The following SH3RF3 variants were observed in gnomAD, a reference collection of about 807,000 sequenced individuals.
SH3RF3 encodes E3 ubiquitin-protein ligase SH3RF3.
A neutral mutation model predicts 66.3 loss-of-function variants in SH3RF3; 29 were observed. That is an observed-to-expected ratio of 0.44 (90% CI 0.33 to 0.60). The LOEUF (loss-of-function observed/expected upper bound fraction) is 0.60, where lower values mean the gene tolerates loss of function less well. SH3RF3 is among the 20% of genes least tolerant of loss of function. The pLI is 0.04. For missense variants in SH3RF3, 1,194 were observed against 1,190.9 expected, an observed-to-expected ratio of 1.00 and a Z score of -0.04; for synonymous variants, 583 against 532.0, an observed-to-expected ratio of 1.10 and a Z score of -1.32.
At chr2:109,343,420 C>G (rs1184881018) in intron 1 of SH3RF3, among the ~76,000 whole-genome samples, 1 of 152,074 alleles carries the variant, frequency 6.6e-6, no homozygotes, top group Non-Finnish European at 1.5e-5. Context: ...GGTTCATTCC[C>G]CCTCTTGGTT....
At chr2:109,197,744 C>T (rs1402903513) in intron 1 of SH3RF3, among the ~76,000 whole-genome samples, 2 of 152,142 alleles carry the variant, frequency 1.3e-5, no homozygotes, top group Non-Finnish European at 2.9e-5. Flanking sequence ...GTGGCCCTGG[C>T]CCCTATCAGG....
At chr2:109,213,169 G>C (rs746742205) in intron 1 of SH3RF3, among the ~76,000 whole-genome samples, 2 of 152,212 alleles carry the variant, frequency 1.3e-5, no homozygotes, top group Non-Finnish European at 2.9e-5. Context: ...AAACCACATG[G>C]GCGCGGTTGC....
intron 1 of SH3RF3, among the ~76,000 whole-genome samples, chr2:109,335,407 C>T (rs1682389180): frequency 6.6e-6 from 1 of 152,316 alleles, no homozygotes; most frequent in East Asian, 1.9e-4. Context: ...CAGCCCCTAC[C>T]CTGGGAAGCC....
At chr2:109,269,740 C>T (rs1431651604) in intron 1 of SH3RF3, among the ~76,000 whole-genome samples, 3 of 152,204 alleles carry the variant, frequency 2.0e-5, no homozygotes, top group Non-Finnish European at 2.9e-5. Context: ...GATCGTGCCA[C>T]TGCACTCCAG....
intron 2 of SH3RF3, among the ~76,000 whole-genome samples, chr2:109,352,277 C>T (rs1015685410): frequency 5.3e-5 from 8 of 152,156 alleles, no homozygotes; most frequent in African/African-American, 1.9e-4. Context: ...TATGTTAGCC[C>T]AGAATACTCG....
intron 7 of SH3RF3, among the ~76,000 whole-genome samples, chr2:109,446,032 T>G (rs1677695007): frequency 6.6e-6 from 1 of 152,126 alleles, no homozygotes; most frequent in Non-Finnish European, 1.5e-5. Context: ...TAAGCAGCCT[T>G]CATCTGTCAG....
At chr2:109,323,138 G>A (rs1682069464) in intron 1 of SH3RF3, among the ~76,000 whole-genome samples, 1 of 152,210 alleles carries the variant, frequency 6.6e-6, no homozygotes, top group Non-Finnish European at 1.5e-5. Flanking sequence ...TCCAGAGAGA[G>A]GCCTCGGCTT....
At chr2:109,347,463 G>A (rs1055742000) in intron 1 of SH3RF3, among the ~76,000 whole-genome samples, 1 of 152,066 alleles carries the variant, frequency 6.6e-6, no homozygotes, top group African/African-American at 2.4e-5. Context: ...GAATGGCTAG[G>A]ATGGGGACCC....
chr2:109,499,525 G>C (rs1048279743), intron 9 of SH3RF3, among the ~76,000 whole-genome samples: 1 of 152,210 alleles, frequency 6.6e-6, no homozygotes, highest in Non-Finnish European at 1.5e-5. Flanking sequence ...CAGGCTTCGG[G>C]CAAGCATGCC....
intron 1 of SH3RF3, among the ~76,000 whole-genome samples, chr2:109,252,124 G>A (rs1438494533): frequency 1.3e-5 from 2 of 151,960 alleles, no homozygotes; most frequent in Non-Finnish European, 2.9e-5. Flanking sequence ...CAGGCCTATA[G>A]TCTCAGCTAC....
chr2:109,324,517 T>C (rs1436195149), intron 1 of SH3RF3, among the ~76,000 whole-genome samples: 1 of 152,244 alleles, frequency 6.6e-6, no homozygotes, highest in Non-Finnish European at 1.5e-5. Context: ...ATTAATCTTT[T>C]AGATTTTAAA....
At chr2:109,336,886 A>T (rs984801640) in intron 1 of SH3RF3, among the ~76,000 whole-genome samples, 1 of 152,160 alleles carries the variant, frequency 6.6e-6, no homozygotes, top group Non-Finnish European at 1.5e-5. Flanking sequence ...AATTCTGCTC[A>T]GTTCCTCCTG....
rs1278409089 is a variant in SH3RF3, at chr2:109,472,514, G to A, written c.2149-18091G>A. On this transcript the variant is annotated intron_variant, in intron 8 of 9. Transcript: ENST00000309415. ...AAGGACTTGTGGAAAGAAGAGCTTT[G>A]ATTTACGGTTGCTGCCTCAGAAACC... Among the ~76,000 whole-genome samples, 3 of 152,212 alleles carry A rather than the reference G, an allele frequency of 2.0e-5. No individual in the cohort carries two copies. The East Asian group carries it at 5.8e-4, about 29-fold the overall frequency.
intron 1 of SH3RF3, among the ~76,000 whole-genome samples, chr2:109,135,390 A>G (rs1219120813): frequency 4.6e-5 from 7 of 152,196 alleles, no homozygotes; most frequent in South Asian, 2.1e-4. Context: ...CTTCCTCACC[A>G]TCTGCCCCGG....
chr2:109,346,672 A>G (rs1441699699), intron 1 of SH3RF3, among the ~76,000 whole-genome samples: 2 of 152,144 alleles, frequency 1.3e-5, no homozygotes, highest in Non-Finnish European at 2.9e-5. Context: ...GGAAGAAGAC[A>G]TCACATCAGT....
At chr2:109,289,397 C>A (rs113182421) in intron 1 of SH3RF3, among the ~76,000 whole-genome samples, 2,706 of 152,288 alleles carry the variant, frequency 0.018, 65 homozygotes, top group African/African-American at 0.062. Context: ...GGGTACTCTT[C>A]TGCACACAAA....
intron 1 of SH3RF3, among the ~76,000 whole-genome samples, chr2:109,170,276 TCTC>T (rs1350296030): frequency 4.6e-4 from 58 of 125,924 alleles, no homozygotes; most frequent in African/African-American, 1.3e-3. Context: ...TCTCTTCTCT[TCTC>T]TTCTCTTCTC....
intron 1 of SH3RF3, among the ~76,000 whole-genome samples, chr2:109,173,577 G>A (rs1217351743): frequency 1.3e-5 from 2 of 152,148 alleles, no homozygotes; most frequent in African/African-American, 2.4e-5. Context: ...GTGGCTGCGG[G>A]GAAGGCCACA....
At chr2:109,171,033 G>T (rs147574159) in intron 1 of SH3RF3, among the ~76,000 whole-genome samples, 1 of 152,324 alleles carries the variant, frequency 6.6e-6, no homozygotes, top group Non-Finnish European at 1.5e-5. Context: ...GGTGCTGGGG[G>T]CTGGGGGAGT....
Sources: allele counts gnomAD v4.1 joint callset (sites outside exome capture counted in the v4.1 genomes callset), GRCh38; gene constraint gnomAD v4.1.1; transcripts MANE v1.5; gene names NCBI Gene and HGNC (gene_info 2026-07-23, HGNC 2026-07-21).